Variants in IGSF21 observed in about 807,000 individuals in gnomAD.
The protein encoded by IGSF21 is immunoglobin superfamily member 21, also known as immunoglobulin superfamily member 21.
Under a neutral mutation model 46.8 loss-of-function variants are expected in IGSF21, and 28 were observed. That is an observed-to-expected ratio of 0.60 (90% CI 0.44 to 0.82). IGSF21 has a LOEUF of 0.82. Ranked by LOEUF, IGSF21 falls within the 40% of genes least tolerant of loss-of-function variation. IGSF21 has a pLI of 0.00. For missense variants in IGSF21, 624 were observed against 665.5 expected (o/e 0.94, Z 0.69); for synonymous variants, 284 against 273.6 (o/e 1.04, Z -0.38).
At chr1:18,255,245 C>A (rs968284055) in intron 2 of IGSF21, among the ~76,000 whole-genome samples, 1 of 152,218 alleles carries the variant, frequency 6.6e-6, no homozygotes, top group African/African-American at 2.4e-5. Flanking sequence ...AGCCAAACTT[C>A]ACTCTGCACT....
intron 4 of IGSF21, among the ~76,000 whole-genome samples, chr1:18,341,846 T>G (rs2085845010): frequency 6.6e-6 from 1 of 152,226 alleles, no homozygotes; most frequent in South Asian, 2.1e-4. Flanking sequence ...AGCTTCCAAG[T>G]GAGGTTGGCA....
chr1:18,372,426 C>A (rs2086233285), intron 6 of IGSF21, among the ~76,000 whole-genome samples: 1 of 152,076 alleles, frequency 6.6e-6, no homozygotes, highest in South Asian at 2.1e-4. Flanking sequence ...GATGGGTAAG[C>A]AAATTGGTAG....
At chr1:18,368,064 C>T (rs778478195) in intron 6 of IGSF21, among the ~76,000 whole-genome samples, 31 of 151,992 alleles carry the variant, frequency 2.0e-4, no homozygotes, top group Non-Finnish European at 3.1e-4. Context: ...GAAGCTGAGG[C>T]TCAGGGAAGT....
chr1:18,287,346 A>G (rs1235487573), intron 2 of IGSF21, among the ~76,000 whole-genome samples: 2 of 151,946 alleles, frequency 1.3e-5, no homozygotes, highest in Non-Finnish European at 2.9e-5. Flanking sequence ...CAGTGAGCTG[A>G]GATCGTGCCA....
At chr1:18,282,074 T>C (rs1294088287) in intron 2 of IGSF21, among the ~76,000 whole-genome samples, 1 of 152,100 alleles carries the variant, frequency 6.6e-6, no homozygotes, top group Non-Finnish European at 1.5e-5. Flanking sequence ...TCAAGGGCGC[T>C]CCTGCTCTGA....
chr1:18,312,558 T>G (rs2085499791), intron 3 of IGSF21, among the ~76,000 whole-genome samples: 1 of 152,202 alleles, frequency 6.6e-6, no homozygotes, highest in South Asian at 2.1e-4. Context: ...TCCTTGCCTT[T>G]TGCAGCTTCT....
intron 6 of IGSF21, among the ~76,000 whole-genome samples, chr1:18,368,548 T>G (rs2086191507): frequency 1.3e-5 from 1 of 74,256 alleles, no homozygotes; most frequent in Non-Finnish European, 3.1e-5. Flanking sequence ...AAAAAGATAT[T>G]ACAAGCATCA....
rs1185882051 is a variant in IGSF21 at position 18,335,759 on chromosome 1, G to T, written c.424+749G>T. 6.6e-6 allele frequency among the ~76,000 whole-genome samples: 1 copy of T among 152,172 alleles called. No homozygotes were observed. Among genetic ancestry groups the T allele is most frequent in the Non-Finnish European group, 1.5e-5 (1 of 68,026 alleles). On this transcript the variant is annotated intron_variant, in intron 4 of 9. Coordinates refer to ENST00000251296, the MANE Select transcript of IGSF21 (RefSeq NM_032880.5). The surrounding 1 kb of genome is among the most constrained non-coding windows in gnomAD (Gnocchi z 4.8). Reference sequence around the variant, plus strand: ...GGGAAACAAAGCTTGCGGTACACAGGCAATCGATGAAAGCATAAAGGCCCT... The same window carrying T: ...GGGAAACAAAGCTTGCGGTACACAGTCAATCGATGAAAGCATAAAGGCCCT...
intron 1 of IGSF21, among the ~76,000 whole-genome samples, chr1:18,141,995 C>T (rs780526600): frequency 2.6e-5 from 4 of 151,980 alleles, no homozygotes; most frequent in African/African-American, 4.8e-5. Flanking sequence ...ACTTGAGCCC[C>T]GGAGGCCTAA....
rs267598244 is a variant in IGSF21, at chr1:18,376,803, G to A, written c.1105G>A (p.Glu369Lys). The change falls in exon 8 of 10, where the codon GAA (glutamate) becomes AAA (lysine). Residue 369 changes from glutamate to lysine, a missense_variant. Glu to Lys is a moderately conservative substitution (Grantham distance 56). Transcript: ENST00000251296. ...TCTCCCCTGATCTGGCCAACAGAAC[G>A]AAGTCTTCCCGGAGCCCATGTTCAC... ...VRILVHGFQN[E>K]VFPEPMFTWT... is the part of the protein sequence containing the mutation. 24 of 1,586,990 alleles carry A rather than the reference G, an allele frequency of 1.5e-5. No individual in the cohort carries two copies. The highest frequency in any genetic ancestry group is 1.7e-4 in the Middle Eastern group (1 of 5,790).
At position 18,119,856 on chromosome 1, in the gene IGSF21, C is replaced by T. The variant is rs1197783060; in HGVS notation, c.70+11658C>T. ...TTTGGGGCAGTGATTTAAATTCTCC[C>T]TCTTTTAAAAAAATGGCTTTATTTA... On this transcript the variant is annotated intron_variant, in intron 1 of 9. Transcript: ENST00000251296. 2.0e-5 allele frequency among the ~76,000 whole-genome samples: 3 copies of T among 151,854 alleles called. No homozygotes were observed. The East Asian group carries it at 5.8e-4, about 29-fold the overall frequency.
intron 2 of IGSF21, among the ~76,000 whole-genome samples, chr1:18,287,167 C>A (rs1261013779): frequency 8.5e-6 from 1 of 117,956 alleles, no homozygotes; most frequent in South Asian, 3.1e-4. Flanking sequence ...GGCGACAGAG[C>A]GAGACTCCGT....
chr1:18,144,106 T>C (rs1429880639), intron 1 of IGSF21, among the ~76,000 whole-genome samples: 1 of 152,166 alleles, frequency 6.6e-6, no homozygotes, highest in Non-Finnish European at 1.5e-5. Context: ...CAGTGTCTAC[T>C]CTGTTCCGTT....
intron 6 of IGSF21, among the ~76,000 whole-genome samples, chr1:18,373,320 C>G (rs1160618419): frequency 6.6e-6 from 1 of 152,164 alleles, no homozygotes; most frequent in Non-Finnish European, 1.5e-5. Context: ...TAAGAGCATT[C>G]CTTTCGGGCA....
At chr1:18,115,873 G>T (rs2086184594) in intron 1 of IGSF21, 1 of 99,734 alleles carries the variant, frequency 1.0e-5, no homozygotes, top group African/African-American at 3.7e-5. Context: ...AAGAAAGAAA[G>T]AAAGAAAGAA....
intron 1 of IGSF21, among the ~76,000 whole-genome samples, chr1:18,199,145 G>C (rs762796690): frequency 6.6e-6 from 1 of 152,078 alleles, no homozygotes; most frequent in African/African-American, 2.4e-5. Flanking sequence ...AGGCCCCCCG[G>C]TACATTAAAC....
At chr1:18,244,546 G>A (rs2084766128) in intron 2 of IGSF21, among the ~76,000 whole-genome samples, 1 of 152,258 alleles carries the variant, frequency 6.6e-6, no homozygotes, top group Non-Finnish European at 1.5e-5. Context: ...AAGTCCAGCT[G>A]CATTGCTGAC....
At chr1:18,331,533 C>T (rs1389916250) in intron 3 of IGSF21, among the ~76,000 whole-genome samples, 13 of 152,168 alleles carry the variant, frequency 8.5e-5, no homozygotes, top group African/African-American at 1.7e-4. Flanking sequence ...GAGCTGGTTC[C>T]GTATTTTTGC....
chr1:18,293,527 G>T (rs572945757), intron 3 of IGSF21, among the ~76,000 whole-genome samples: 3 of 152,060 alleles, frequency 2.0e-5, no homozygotes, highest in African/African-American at 4.8e-5. Context: ...GTGAACAGCC[G>T]CACAAACTCC....
Sources: allele counts gnomAD v4.1 joint callset (sites outside exome capture counted in the v4.1 genomes callset), GRCh38; gene constraint gnomAD v4.1.1; non-coding constraint Gnocchi (gnomAD v3.1); transcripts MANE v1.5; gene names NCBI Gene and HGNC (gene_info 2026-07-23, HGNC 2026-07-21).